DMD: variants seen among roughly 807,000 people sequenced by gnomAD.
DMD encodes dystrophin, also known as mutant dystrophin.
Under a neutral mutation model 330.1 loss-of-function variants are expected in DMD, and 63 were observed. The observed-to-expected ratio is 0.19, with a 90% CI of 0.16 to 0.24. The LOEUF (loss-of-function observed/expected upper bound fraction) is 0.24. Ranked by LOEUF, DMD falls within the 10% of genes least tolerant of loss-of-function variation. DMD has a pLI of 1.00. For synonymous variants in DMD, 1,223 were observed against 959.8 expected, an observed-to-expected ratio of 1.27 and a Z score of -5.07; for missense variants, 3,344 against 2,684.1, an observed-to-expected ratio of 1.25 and a Z score of -5.43.
At chrX:31,710,596 C>T (rs2084553444) in intron 52 of DMD, among the ~76,000 whole-genome samples, 1 of 111,717 alleles carries the variant, frequency 9.0e-6, no homozygotes, top group African/African-American at 3.3e-5. Flanking sequence ...ATAGTCCTCA[C>T]TGGGGAGGAC....
chrX:33,089,665 G>T (rs961638332), intron 1 of DMD, among the ~76,000 whole-genome samples: 6 of 111,864 alleles, frequency 5.4e-5, no homozygotes, highest in Admixed American at 9.5e-5. Context: ...GTACACAGGG[G>T]TATTTGATGA....
intron 1 of DMD, among the ~76,000 whole-genome samples, chrX:33,180,147 T>C (rs1434409933): frequency 8.9e-6 from 1 of 112,115 alleles, no homozygotes; most frequent in Non-Finnish European, 1.9e-5. Context: ...AAAAGTGCTA[T>C]ATTGCTATTC....
At position 33,218,866 on chromosome X, in the gene DMD, C is replaced by T. The variant is rs758518216; in HGVS notation, c.7+120393G>A. ...CTTTCTGCACACAGATTTCCCCTGT[C>T]TCCTCACCTCCATTCTACTGTTGAG... On this transcript the variant is annotated intron_variant, in intron 1 of 17. Transcript: ENST00000288447. Among the ~76,000 whole-genome samples the T allele has an allele frequency of 6.3e-5, 7 of 111,618 alleles. No homozygotes were observed. The South Asian group carries it at 2.6e-3, about 42-fold the overall frequency.
At chrX:32,207,988 A>G (rs982270826) in intron 44 of DMD, among the ~76,000 whole-genome samples, 2 of 112,139 alleles carry the variant, frequency 1.8e-5, no homozygotes, top group Non-Finnish European at 3.8e-5. Context: ...AAATAAATCC[A>G]TGTTAACTAG....
At chrX:31,454,701 A>G (rs767082191) in intron 59 of DMD, among the ~76,000 whole-genome samples, 11 of 111,720 alleles carry the variant, frequency 9.8e-5, no homozygotes, top group Non-Finnish European at 2.1e-4. Flanking sequence ...TCTAATAAGA[A>G]GTTAGAAAAT....
intron 9 of DMD, among the ~76,000 whole-genome samples, chrX:32,687,791 T>C (rs1410301788): frequency 1.8e-5 from 2 of 110,666 alleles, no homozygotes; most frequent in African/African-American, 3.3e-5. Context: ...AAGTTTTGAG[T>C]TGATTTGCTA....
intron 60 of DMD, among the ~76,000 whole-genome samples, chrX:31,394,775 C>T (rs1436513033): frequency 3.6e-5 from 4 of 111,485 alleles, no homozygotes; most frequent in Admixed American, 1.9e-4. Context: ...GTCTGGGCCA[C>T]GGAGCGAGAC....
intron 2 of DMD, among the ~76,000 whole-genome samples, chrX:32,920,097 A>T (rs2088245562): frequency 8.9e-6 from 1 of 111,766 alleles, no homozygotes; most frequent in Non-Finnish European, 1.9e-5. Context: ...ATCAAACACT[A>T]GATGGATAAA....
chrX:32,424,039 T>C (rs1304590829), intron 29 of DMD, among the ~76,000 whole-genome samples: 1 of 111,139 alleles, frequency 9.0e-6, no homozygotes, highest in Non-Finnish European at 1.9e-5. Flanking sequence ...ATTATCTATG[T>C]GTAAATATTA....
At chrX:32,826,282 C>T (rs1202837803) in intron 4 of DMD, among the ~76,000 whole-genome samples, 1 of 111,772 alleles carries the variant, frequency 8.9e-6, no homozygotes, top group Non-Finnish European at 1.9e-5. Flanking sequence ...ATGGAGGTTT[C>T]TCAAAAAATT....
At chrX:31,839,933 G>A (rs756652558) in intron 48 of DMD, among the ~76,000 whole-genome samples, 1 of 111,588 alleles carries the variant, frequency 9.0e-6, no homozygotes, top group East Asian at 2.8e-4. Flanking sequence ...AAAGGCTGGA[G>A]GATCATATTT....
intron 52 of DMD, among the ~76,000 whole-genome samples, chrX:31,717,731 TTTCTG>T (rs1415535587): frequency 8.9e-6 from 1 of 112,604 alleles, no homozygotes; most frequent in African/African-American, 3.2e-5. Context: ...ATGGCACACT[TTTCTG>T]TTTAATTACA....
chrX:33,322,743 C>T (rs2054034097), intron 1 of DMD, among the ~76,000 whole-genome samples: 1 of 111,736 alleles, frequency 8.9e-6, no homozygotes, highest in African/African-American at 3.2e-5. Context: ...ATATAAATAG[C>T]TTTAACATAT....
At chrX:31,927,529 T>C (rs922534707) in intron 47 of DMD, among the ~76,000 whole-genome samples, 9 of 111,993 alleles carry the variant, frequency 8.0e-5, no homozygotes, top group Non-Finnish European at 1.7e-4. Context: ...TTCATTTGTA[T>C]TGTTATGTAG....
In DMD at chrX:32,131,832, T is replaced by C. The variant is rs73456150; in HGVS notation, c.6438+85084A>G. Among the ~76,000 whole-genome samples the C allele has an allele frequency of 3.5e-3, 396 of 112,253 alleles. 1 individual carries two copies. Among genetic ancestry groups the C allele is most frequent in the African/African-American group, 0.012 (371 of 30,932 alleles). ...TATTGTGAAGTATAGTGCTCTACAC[T>C]GGATGTCAGAAGACCTCAGTGCCAG... is the stretch of plus-strand genomic sequence containing the variant. On this transcript the variant is annotated intron_variant, in intron 44 of 78. Transcript: ENST00000357033.
chrX:31,294,151 C>T (rs1032982887), intron 62 of DMD, among the ~76,000 whole-genome samples: 13 of 112,147 alleles, frequency 1.2e-4, no homozygotes, highest in African/African-American at 3.6e-4. Context: ...ATTAACAATA[C>T]GGCACAACAG....
intron 44 of DMD, among the ~76,000 whole-genome samples, chrX:32,095,026 T>G (rs1313836294): frequency 1.8e-5 from 2 of 111,249 alleles, no homozygotes; most frequent in Admixed American, 1.9e-4. Context: ...TAGAAAAACA[T>G]GAGACAAATC....
chrX:32,187,710 C>T (rs1256813016), intron 44 of DMD, among the ~76,000 whole-genome samples: 1 of 111,007 alleles, frequency 9.0e-6, no homozygotes, highest in Non-Finnish European at 1.9e-5. Flanking sequence ...TTTATTTTTA[C>T]AGAAGACAAC....
chrX:32,808,510 C>A (rs910051304), intron 7 of DMD, among the ~76,000 whole-genome samples: 2 of 111,614 alleles, frequency 1.8e-5, no homozygotes, highest in African/African-American at 6.5e-5. Flanking sequence ...CAGGCTTCTG[C>A]GTCTGCAAAA....
Sources: allele counts gnomAD v4.1 joint callset (sites outside exome capture counted in the v4.1 genomes callset), GRCh38; gene constraint gnomAD v4.1.1; transcripts MANE v1.5; gene names NCBI Gene and HGNC (gene_info 2026-07-23, HGNC 2026-07-21).